The following LEMD1 variants were observed in gnomAD, a reference collection of about 807,000 sequenced individuals.
The protein encoded by LEMD1 is LEM domain containing 1.
LEMD1 carries 18 observed loss-of-function variants against 17.4 expected under a neutral mutation model. The ratio of observed to expected loss-of-function variants is 1.04; its 90% CI spans 0.72 to 1.54. The LOEUF (loss-of-function observed/expected upper bound fraction) is 1.54. LEMD1 is among the 40% of genes most tolerant of loss of function. The pLI, the probability that LEMD1 is intolerant of heterozygous loss-of-function variation, is 0.00. For missense variants in LEMD1, 195 were observed against 210.4 expected, an observed-to-expected ratio of 0.93 and a Z score of 0.45; for synonymous variants, 88 against 77.8, an observed-to-expected ratio of 1.13 and a Z score of -0.69.
In LEMD1 at chr1:205,448,204, T is replaced by TC. The variant is rs1265880630; in HGVS notation, c.-39+1663dup. 2.2e-6 allele frequency: 1 copy of TC among 451,224 alleles called. No individual in the cohort carries two copies. Among genetic ancestry groups the TC allele is most frequent in the African/African-American group, 2.0e-5 (1 of 49,510 alleles). The allele number at this position is 451,224 out of a possible 1,614,324, so 28.0% of individuals were successfully genotyped here. ...TTAGCCCCGATCCCAGGTTACCAGA[T>TC]CCCGTGATGCCCCACCCCCAAGCAA... On this transcript the variant is annotated intron_variant, in intron 1 of 3. Transcript: ENST00000367154. The surrounding 1 kb of genome is among the most constrained non-coding windows in gnomAD (Gnocchi z 4.7).
intron 4 of LEMD1, among the ~76,000 whole-genome samples, chr1:205,391,945 CG>C (rs1265970177): frequency 1.7e-5 from 2 of 118,050 alleles, no homozygotes; most frequent in East Asian, 4.2e-4. Context: ...TCGTCTCTAC[CG>C]AAAAAAAAAA....
intron 1 of LEMD1, among the ~76,000 whole-genome samples, chr1:205,443,846 G>A (rs988249796): frequency 1.4e-4 from 21 of 152,252 alleles, no homozygotes; most frequent in Non-Finnish European, 2.6e-4. Context: ...ATCCCTGCCC[G>A]CTGTGAACCC....
chr1:205,408,957 C>G (rs535266287), intron 4 of LEMD1, among the ~76,000 whole-genome samples: 1 of 152,208 alleles, frequency 6.6e-6, no homozygotes, highest in Non-Finnish European at 1.5e-5. Context: ...CCCACCTCAG[C>G]CTGTCAAGTA....
chr1:205,416,180 C>A, intron 4 of LEMD1, 52 bp downstream of exon 4: 1 of 1,173,508 alleles, frequency 8.5e-7, no homozygotes, highest in South Asian at 1.4e-5. Flanking sequence ...CAGAGCTACT[C>A]CCTGTTTTTA....
Position 205,448,186 on chromosome 1 carries a change from CG to C in LEMD1, c.-39+1681del, listed in dbSNP as rs1666435665. Reference sequence around the variant, plus strand: ...GGGCCAAGGTCACACGGCTTAGCCCCGATCCCAGGTTACCAGATCCCGTGAT... The same window carrying C: ...GGGCCAAGGTCACACGGCTTAGCCCCATCCCAGGTTACCAGATCCCGTGAT... On this transcript the variant is annotated intron_variant, in intron 1 of 3. Coordinates refer to the LEMD1 transcript ENST00000367154. This position sits in a 1 kb window ranked among gnomAD's most constrained non-coding sequence, Gnocchi z 4.7. 24 of 436,042 alleles carry C rather than the reference CG, an allele frequency of 5.5e-5. No individual in the cohort carries two copies. Among genetic ancestry groups the C allele is most frequent in the South Asian group, 3.9e-4 (23 of 58,650 alleles). The allele number at this position is 436,042 out of a possible 1,614,324, so 27.0% of individuals were successfully genotyped here.
chr1:205,441,811 AT>A lies in LEMD1; in HGVS notation c.-39+8056del, dbSNP rs1458859560. ...AAAGACATGGTTTCTTCCCTGGCAC[AT>A]AAGTCTGAGGTAGAGGCTGAGGCTG... On this transcript the variant is annotated intron_variant, in intron 1 of 3. Transcript: ENST00000367154. The surrounding 1 kb of genome is among the most constrained non-coding windows in gnomAD (Gnocchi z 4.3). Among the ~76,000 whole-genome samples the A allele has an allele frequency of 6.6e-6, 1 of 152,194 alleles. No individual in the cohort carries two copies. Among genetic ancestry groups the A allele is most frequent in the Non-Finnish European group, 1.5e-5 (1 of 68,044 alleles).
At chr1:205,403,913 G>A (rs1439066818) in intron 4 of LEMD1, among the ~76,000 whole-genome samples, 4 of 151,692 alleles carry the variant, frequency 2.6e-5, no homozygotes, top group South Asian at 2.1e-4. Flanking sequence ...CTTTGTTCTC[G>A]TTGGTTTCAA....
chr1:205,400,297 A>G (rs1664781206), intron 4 of LEMD1, among the ~76,000 whole-genome samples: 1 of 152,184 alleles, frequency 6.6e-6, no homozygotes, highest in Non-Finnish European at 1.5e-5. Flanking sequence ...AGCTCAAGCA[A>G]TCCACCTGCC....
intron 4 of LEMD1, among the ~76,000 whole-genome samples, chr1:205,391,057 CT>C (rs1664306852): frequency 1.3e-5 from 2 of 152,102 alleles, no homozygotes; most frequent in Non-Finnish European, 2.9e-5. Flanking sequence ...CAAGTACCCC[CT>C]GAATCTAAAA....
intron 1 of LEMD1, among the ~76,000 whole-genome samples, chr1:205,447,386 T>C (rs372742060): frequency 6.6e-6 from 1 of 152,192 alleles, no homozygotes. Context: ...TGAGATATTA[T>C]AAGAAACTTG....
At chr1:205,382,482 C>T (rs1324873431) in intron 5 of LEMD1, among the ~76,000 whole-genome samples, 1 of 151,594 alleles carries the variant, frequency 6.6e-6, no homozygotes, top group African/African-American at 2.4e-5. Context: ...AGGCTGGTCT[C>T]AAACTCCTGG....
At chr1:205,391,798 TA>T (rs977831918) in intron 4 of LEMD1, among the ~76,000 whole-genome samples, 3 of 152,142 alleles carry the variant, frequency 2.0e-5, no homozygotes, top group African/African-American at 7.2e-5. Flanking sequence ...AAAGGTCTGC[TA>T]AAACAAGATT....
chr1:205,390,137 T>C (rs1256465330), intron 4 of LEMD1, among the ~76,000 whole-genome samples: 1 of 152,096 alleles, frequency 6.6e-6, no homozygotes, highest in African/African-American at 2.4e-5. Context: ...GGTGGATCAC[T>C]TGAGGCCAGG....
At chr1:205,432,622 C>T (rs1013956867) in intron 1 of LEMD1, among the ~76,000 whole-genome samples, 1 of 152,220 alleles carries the variant, frequency 6.6e-6, no homozygotes, top group Non-Finnish European at 1.5e-5. Flanking sequence ...ATCATACCTG[C>T]CAGCAGGGTC....
chr1:205,398,798 G>C lies in LEMD1; in HGVS notation c.271-14434C>G, dbSNP rs140687328. On this transcript the variant is annotated intron_variant, in intron 4 of 5. Coordinates refer to ENST00000367153, the MANE Select transcript of LEMD1 (RefSeq NM_001199050.2). ...AGAGGGACAGTGAGGGGAAGGAAGAGGGCTCTCTTGTAGTAGGGGCTGCAA... is the reference window on the plus strand; with the variant it reads ...AGAGGGACAGTGAGGGGAAGGAAGACGGCTCTCTTGTAGTAGGGGCTGCAA... Among the ~76,000 whole-genome samples, 299 of 152,288 alleles carry C rather than the reference G, an allele frequency of 2.0e-3. 1 individual carries two copies. Among genetic ancestry groups the C allele is most frequent in the African/African-American group, 6.8e-3 (281 of 41,572 alleles).
chr1:205,407,492 G>C (rs1160992581), intron 4 of LEMD1, among the ~76,000 whole-genome samples: 1 of 152,134 alleles, frequency 6.6e-6, no homozygotes, highest in African/African-American at 2.4e-5. Flanking sequence ...ACAGAGTTTA[G>C]AGAGTTTCTG....
At chr1:205,382,871 T>G (rs1663788253) in intron 5 of LEMD1, among the ~76,000 whole-genome samples, 1 of 152,226 alleles carries the variant, frequency 6.6e-6, no homozygotes, top group South Asian at 2.1e-4. Flanking sequence ...GAGTACTTTC[T>G]GAAATTTTTT....
At chr1:205,425,180 T>A (rs1352224364), upstream of LEMD1, among the ~76,000 whole-genome samples, 4 of 152,108 alleles carry the variant, frequency 2.6e-5, no homozygotes, top group Non-Finnish European at 4.4e-5. Context: ...TATTCTGCAC[T>A]TGTCTAGTCA....
At position 205,381,754 on chromosome 1, in the gene LEMD1, T is replaced by TAA; in HGVS notation, c.449_450insTT (p.Glu150AspfsTer2). ...CAAGCTTCAAGCCCACTGGGAAACC[T>TAA]TCTTCTCTCCAGCTCTCGATAGTCT... On this transcript the variant is annotated frameshift_variant, in exon 6 of 6. Transcript: ENST00000367153. LOFTEE classifies it low-confidence loss of function (END_TRUNC). 2 of 1,614,050 alleles carry TAA rather than the reference T, an allele frequency of 1.2e-6. No homozygotes were observed. Among genetic ancestry groups the TAA allele is most frequent in the Non-Finnish European group, 1.7e-6 (2 of 1,179,860 alleles).
Sources: allele counts gnomAD v4.1 joint callset (sites outside exome capture counted in the v4.1 genomes callset), GRCh38; gene constraint gnomAD v4.1.1; non-coding constraint Gnocchi (gnomAD v3.1); transcripts MANE v1.5; gene names NCBI Gene and HGNC (gene_info 2026-07-23, HGNC 2026-07-21).